The following SRP54 variants were observed in gnomAD, a reference collection of about 807,000 sequenced individuals.
SRP54 encodes the protein signal recognition particle 54, also known as signal recognition particle subunit SRP54.
A neutral mutation model predicts 64.8 loss-of-function variants in SRP54; 10 were observed. The ratio of observed to expected loss-of-function variants is 0.15; its 90% confidence interval spans 0.10 to 0.26. SRP54 has a LOEUF of 0.26. Among genes scored for constraint, SRP54 ranks in the 10% least tolerant of loss-of-function variants. SRP54 has a pLI of 1.00. For missense variants in SRP54, 325 were observed against 613.7 expected, an observed-to-expected ratio of 0.53 and a Z score of 4.97; for synonymous variants, 193 against 185.6, an observed-to-expected ratio of 1.04 and a Z score of -0.32.
intron 14 of SRP54, among the ~76,000 whole-genome samples, chr14:35,023,558 C>T (rs563695617): frequency 9.6e-4 from 146 of 151,956 alleles, no homozygotes; most frequent in African/African-American, 3.4e-3. Flanking sequence ...CTGAGGCGGG[C>T]GGATCACTTG....
At chr14:34,995,160 T>A (rs2044050412) in intron 1 of SRP54, among the ~76,000 whole-genome samples, 1 of 138,938 alleles carries the variant, frequency 7.2e-6, no homozygotes, top group South Asian at 2.4e-4. Context: ...TGTGTGTGTG[T>A]GTGTGTGTGT....
intron 1 of SRP54, among the ~76,000 whole-genome samples, chr14:34,984,564 C>T (rs1484293137): frequency 6.6e-6 from 1 of 152,192 alleles, no homozygotes; most frequent in East Asian, 1.9e-4. Context: ...TACCGAGGCA[C>T]CATCTCGGCT....
intron 14 of SRP54, among the ~76,000 whole-genome samples, chr14:35,024,741 T>C (rs1216871887): frequency 6.6e-6 from 1 of 152,048 alleles, no homozygotes; most frequent in African/African-American, 2.4e-5. Flanking sequence ...TTTCTTCTTT[T>C]TTTGAGACAG....
chr14:34,986,426 A>G (rs1386491598), intron 1 of SRP54, among the ~76,000 whole-genome samples: 2 of 152,216 alleles, frequency 1.3e-5, no homozygotes, highest in African/African-American at 4.8e-5. Context: ...TTAATGAATG[A>G]GTAAATGAAT....
intron 13 of SRP54, among the ~76,000 whole-genome samples, chr14:35,019,922 C>G (rs1417641756): frequency 2.0e-5 from 3 of 152,206 alleles, no homozygotes; most frequent in Non-Finnish European, 2.9e-5. Context: ...GCTCACGACG[C>G]CTGTAATCCC....
intron 2 of SRP54, among the ~76,000 whole-genome samples, chr14:34,998,749 G>A (rs1203058775): frequency 1.3e-5 from 2 of 151,220 alleles, no homozygotes; most frequent in African/African-American, 4.9e-5. Flanking sequence ...GGAGGCGGAG[G>A]TTGCAGTGAG....
chr14:34,999,478 G>A lies in SRP54; in HGVS notation c.79-80G>A, dbSNP rs138748457. The A allele has an allele frequency of 1.6e-3, 1,610 of 1,004,294 alleles. 22 individuals carry two copies. In the African/African-American group the frequency reaches 0.022, roughly 14 times the overall value. The allele number at this position is 1,004,294 out of a possible 1,614,324, so 62.2% of individuals were successfully genotyped here. A position where few individuals can be genotyped will look rare whatever the true frequency, so the allele number is the denominator to read the frequency against. Reference sequence around the variant, plus strand: ...TGTGGTATTACTAAGCTGTGGTTATGTAAGTGATCAACAATTGTTTTTATG... The same window carrying A: ...TGTGGTATTACTAAGCTGTGGTTATATAAGTGATCAACAATTGTTTTTATG... On this transcript the variant is annotated intron_variant, in intron 2 of 15. Transcript: ENST00000216774.
chr14:34,990,723 A>C (rs2043963576), intron 1 of SRP54, among the ~76,000 whole-genome samples: 1 of 152,238 alleles, frequency 6.6e-6, no homozygotes, highest in Non-Finnish European at 1.5e-5. Context: ...TAGTGTACAT[A>C]TTAGAACAAG....
At chr14:35,010,322 T>C (rs1267553147) in intron 7 of SRP54, among the ~76,000 whole-genome samples, 1 of 152,008 alleles carries the variant, frequency 6.6e-6, no homozygotes, top group Non-Finnish European at 1.5e-5. Context: ...GGCGTGTGCC[T>C]GTAATCCCAG....
At chr14:34,997,033 A>G (rs1257532432) in intron 2 of SRP54, 3 of 385,116 alleles carry the variant, frequency 7.8e-6, no homozygotes, top group Non-Finnish European at 1.4e-5. Flanking sequence ...CTTAACTTAC[A>G]TGTAAAAATA....
intron 15 of SRP54, among the ~76,000 whole-genome samples, chr14:35,028,675 ATTTTC>A (rs2044673440): frequency 6.6e-6 from 1 of 152,160 alleles, no homozygotes; most frequent in African/African-American, 2.4e-5. Flanking sequence ...TAAATGAATT[ATTTTC>A]TTTTTGTAAG....
intron 8 of SRP54, among the ~76,000 whole-genome samples, 170 bp downstream of exon 8, chr14:35,011,829 A>T (rs2044361158): frequency 6.6e-6 from 1 of 152,196 alleles, no homozygotes; most frequent in South Asian, 2.1e-4. Flanking sequence ...TAATTTCATT[A>T]TTTTTGTTCT....
chr14:34,986,876 A>C lies in SRP54; in HGVS notation c.-34+3661A>C, dbSNP rs997520545. Among the ~76,000 whole-genome samples, 38 of 134,750 alleles carry C rather than the reference A, an allele frequency of 2.8e-4. No individual in the cohort carries two copies. The East Asian group carries it at 7.5e-3, about 26-fold the overall frequency. 88.4% of individuals were successfully genotyped at this position (134,750 alleles called of 152,430 possible). Reference sequence around the variant, plus strand: ...TGGGCACAGAGTGAGACTCTGTCTCAAAAAAAAAAAATTGCTAGTTATTCA... The same window carrying C: ...TGGGCACAGAGTGAGACTCTGTCTCCAAAAAAAAAAATTGCTAGTTATTCA... On this transcript the variant is annotated intron_variant, in intron 1 of 15. Coordinates refer to ENST00000216774, the MANE Select transcript of SRP54 (RefSeq NM_003136.4).
At chr14:35,022,421 A>G (rs1410968891) in intron 13 of SRP54, among the ~76,000 whole-genome samples, 2 of 151,942 alleles carry the variant, frequency 1.3e-5, no homozygotes, top group East Asian at 1.9e-4. Flanking sequence ...CAATGGCGCA[A>G]TCTTGGCTCA....
At chr14:35,023,465 T>C (rs967094616) in intron 14 of SRP54, among the ~76,000 whole-genome samples, 2 of 152,084 alleles carry the variant, frequency 1.3e-5, no homozygotes, top group Non-Finnish European at 2.9e-5. Context: ...ATAACTGTTT[T>C]TCCATGTTGT....
chr14:34,997,667 C>T (rs1223004438), intron 2 of SRP54, among the ~76,000 whole-genome samples: 4 of 152,170 alleles, frequency 2.6e-5, no homozygotes, highest in African/African-American at 7.2e-5. Flanking sequence ...ACTAAGCTAA[C>T]GGAATTAAAT....
At chr14:35,001,089 A>G (rs910682885) in intron 4 of SRP54, 69 bp downstream of exon 4, 54 of 618,704 alleles carry the variant, frequency 8.7e-5, no homozygotes, top group Non-Finnish European at 1.2e-4. Flanking sequence ...CACTACAAAT[A>G]TTTCAGAATT....
At chr14:35,023,908 C>G (rs2044577221) in intron 14 of SRP54, among the ~76,000 whole-genome samples, 1 of 152,056 alleles carries the variant, frequency 6.6e-6, no homozygotes, top group South Asian at 2.1e-4. Flanking sequence ...CTGATTCATT[C>G]ACTTCTATAT....
At chr14:35,026,867 C>T (rs946174394) in intron 14 of SRP54, among the ~76,000 whole-genome samples, 1 of 151,810 alleles carries the variant, frequency 6.6e-6, no homozygotes, top group Non-Finnish European at 1.5e-5. Flanking sequence ...GGTGTGAACC[C>T]GGGAGGCGGG....
Sources: gnomAD v4.1 joint callset for allele counts (sites outside exome capture counted in the v4.1 genomes callset) on GRCh38, gnomAD v4.1.1 for gene constraint, MANE v1.5 for transcripts, NCBI Gene and HGNC (gene_info 2026-07-23, HGNC 2026-07-21) for gene names.